RHOF: variants seen among roughly 807,000 people sequenced by gnomAD.
RHOF encodes rho-related GTP-binding protein RhoF.
A neutral mutation model predicts 22.2 loss-of-function variants in RHOF; 21 were observed. The observed-to-expected ratio is 0.95, with a 90% CI of 0.67 to 1.36. The LOEUF is 1.36. RHOF is among the 40% of genes most tolerant of loss of function. RHOF has a pLI of 0.00. For synonymous variants in RHOF, 135 were observed against 131.2 expected (o/e 1.03, Z -0.20); for missense variants, 285 against 293.7 (o/e 0.97, Z 0.22).
intron 2 of RHOF, among the ~76,000 whole-genome samples, chr12:121,783,502 G>A (rs1404806622): frequency 1.3e-5 from 2 of 151,966 alleles, no homozygotes; most frequent in Admixed American, 6.6e-5. Flanking sequence ...TTGTTTTTGA[G>A]ACAGAGTTTC....
chr12:121,786,479 G>A (rs1036064166), intron 2 of RHOF, among the ~76,000 whole-genome samples: 3 of 152,190 alleles, frequency 2.0e-5, no homozygotes, highest in Non-Finnish European at 4.4e-5. Context: ...AGGCTGCAGT[G>A]GGTGAGGGAA....
At chr12:121,788,896 T>C (rs981401629) in intron 2 of RHOF, among the ~76,000 whole-genome samples, 5 of 152,046 alleles carry the variant, frequency 3.3e-5, no homozygotes, top group Non-Finnish European at 5.9e-5. Flanking sequence ...TGGTGGGTGG[T>C]CAGAACCCCA....
At chr12:121,783,854 T>C (rs1226115060) in intron 2 of RHOF, among the ~76,000 whole-genome samples, 3 of 152,172 alleles carry the variant, frequency 2.0e-5, no homozygotes, top group Non-Finnish European at 4.4e-5. Context: ...TCCACCTGCC[T>C]CGGCCTCCCA....
chr12:121,780,003 C>G, intron 4 of RHOF: 1 of 243,352 alleles, frequency 4.1e-6, no homozygotes, highest in Non-Finnish European at 8.1e-6. Context: ...GAAAGGACTT[C>G]CAGCCACCTC....
At chr12:121,783,253 T>C (rs1468856752) in intron 2 of RHOF, among the ~76,000 whole-genome samples, 1 of 150,710 alleles carries the variant, frequency 6.6e-6, no homozygotes, top group Non-Finnish European at 1.5e-5. Flanking sequence ...GGATGGATCT[T>C]AAAACACAAG....
chr12:121,785,976 G>A (rs902086695), intron 2 of RHOF, among the ~76,000 whole-genome samples: 5 of 151,452 alleles, frequency 3.3e-5, no homozygotes, highest in Non-Finnish European at 5.9e-5. Context: ...ATGCAGTGGC[G>A]TGATCTCGGC....
At chr12:121,788,469 G>A (rs1194734873) in intron 2 of RHOF, among the ~76,000 whole-genome samples, 1 of 152,046 alleles carries the variant, frequency 6.6e-6, no homozygotes, top group Non-Finnish European at 1.5e-5. Flanking sequence ...CCTTTGGGGC[G>A]TGGGGGTGGT....
At chr12:121,781,881 T>TG (rs568533359) in intron 2 of RHOF, 8,461 of 152,204 alleles carry the variant, frequency 0.056, 376 homozygotes, top group Non-Finnish European at 0.087. Context: ...GCACACTCCC[T>TG]GGGGGGATAC....
chr12:121,788,783 A>G (rs1874682788), intron 2 of RHOF, among the ~76,000 whole-genome samples: 1 of 151,934 alleles, frequency 6.6e-6, no homozygotes, highest in Non-Finnish European at 1.5e-5. Flanking sequence ...TTAGAGCGGG[A>G]GCAGTGCAGG....
chr12:121,785,422 C>CTTTTTTTT (rs758984066), intron 2 of RHOF, among the ~76,000 whole-genome samples: 1 of 86,124 alleles, frequency 1.2e-5, no homozygotes, highest in Non-Finnish European at 2.4e-5. Context: ...TTTTTCTTTA[C>CTTTTTTTT]TTTTTTTTTT....
rs575673198 is a variant in RHOF at position 121,786,111 on chromosome 12, G to A, written c.227-4919C>T. ...TTTTTTTATTTTTTTAAGTAGAGACGGGGTTTCACCGTGTAAGCCAGGATG... is the reference window on the plus strand; with the variant it reads ...TTTTTTTATTTTTTTAAGTAGAGACAGGGTTTCACCGTGTAAGCCAGGATG... On this transcript the variant is annotated intron_variant, in intron 2 of 4. Coordinates refer to ENST00000267205, the MANE Select transcript of RHOF (RefSeq NM_019034.3). Among the ~76,000 whole-genome samples the A allele has an allele frequency of 5.7e-3, 856 of 150,372 alleles. 5 individuals are homozygous for A. The highest frequency in any genetic ancestry group is 8.4e-3 in the Non-Finnish European group (567 of 67,604).
At chr12:121,785,920 C>G (rs1049247904) in intron 2 of RHOF, among the ~76,000 whole-genome samples, 72 of 140,828 alleles carry the variant, frequency 5.1e-4, no homozygotes, top group Admixed American at 2.3e-3. Context: ...CTTTTCTTTT[C>G]TTTGTTTGTT....
At position 121,785,429 on chromosome 12, in the gene RHOF, T is replaced by C. The variant is rs1017708008; in HGVS notation, c.227-4237A>G. Among the ~76,000 whole-genome samples the C allele has an allele frequency of 2.3e-3, 327 of 143,060 alleles. 2 individuals are homozygous for C. Among genetic ancestry groups the C allele is most frequent in the African/African-American group, 7.1e-3 (282 of 39,600 alleles). 93.9% of individuals were successfully genotyped at this position (143,060 alleles called of 152,430 possible). ...CATTTCTTTTTTTCTTTACTTTTTT[T>C]TTTTTTTTTTTTTTGGAGACAGGGT... On this transcript the variant is annotated intron_variant, in intron 2 of 4. Coordinates refer to ENST00000267205, the MANE Select transcript of RHOF (RefSeq NM_019034.3).
chr12:121,791,006 T>C (rs991272067), intron 2 of RHOF, among the ~76,000 whole-genome samples: 1 of 152,108 alleles, frequency 6.6e-6, no homozygotes, highest in Non-Finnish European at 1.5e-5. Context: ...TCCGAGTAGC[T>C]GGGACTATAG....
At chr12:121,785,610 ATTATTTTATT>A (rs1185862221) in intron 2 of RHOF, among the ~76,000 whole-genome samples, 1 of 142,758 alleles carries the variant, frequency 7.0e-6, no homozygotes, top group African/African-American at 2.6e-5. Context: ...TTGTATTTTT[ATTATTTTATT>A]TTATTTTTGA....
At chr12:121,790,187 G>A (rs1387762073) in intron 2 of RHOF, among the ~76,000 whole-genome samples, 1 of 152,238 alleles carries the variant, frequency 6.6e-6, no homozygotes, top group Non-Finnish European at 1.5e-5. Flanking sequence ...CCTGTGGGCA[G>A]CGTCCGGCCC....
chr12:121,788,279 A>G (rs780136077), intron 2 of RHOF, among the ~76,000 whole-genome samples: 49 of 152,252 alleles, frequency 3.2e-4, no homozygotes, highest in East Asian at 7.7e-4. Flanking sequence ...CCCAGAAAAC[A>G]GGAAGGAATC....
chr12:121,788,647 A>C (rs1874678072), intron 2 of RHOF, among the ~76,000 whole-genome samples: 1 of 152,120 alleles, frequency 6.6e-6, no homozygotes. Flanking sequence ...CAGCCTCCAC[A>C]TCTCGAATTG....
At chr12:121,786,945 G>A (rs1874623891) in intron 2 of RHOF, among the ~76,000 whole-genome samples, 1 of 152,146 alleles carries the variant, frequency 6.6e-6, no homozygotes, top group South Asian at 2.1e-4. Context: ...GGCTGAGGCT[G>A]GAGAATTGCT....
Sources: allele counts gnomAD v4.1 joint callset (sites outside exome capture counted in the v4.1 genomes callset), GRCh38; gene constraint gnomAD v4.1.1; transcripts MANE v1.5; gene names NCBI Gene and HGNC (gene_info 2026-07-23, HGNC 2026-07-21).